The following MRPS27 variants were observed in gnomAD, a reference collection of about 807,000 sequenced individuals.
The protein encoded by MRPS27 is mitochondrial ribosomal protein S27.
In MRPS27, 43 loss-of-function variants were observed where a neutral mutation model predicts 48.9. The ratio of observed to expected loss-of-function variants is 0.88; its 90% CI spans 0.69 to 1.13. MRPS27 has a LOEUF of 1.13. Ranked by LOEUF, MRPS27 falls within the 50% of genes most tolerant of loss-of-function variation. The pLI, the probability that MRPS27 is intolerant of heterozygous loss-of-function variation, is 0.00. For missense variants in MRPS27, 467 were observed against 476.3 expected (o/e 0.98, Z 0.18); for synonymous variants, 188 against 171.9 (o/e 1.09, Z -0.73).
intron 1 of MRPS27, among the ~76,000 whole-genome samples, chr5:72,315,128 G>T (rs748722030): frequency 1.2e-4 from 19 of 152,280 alleles, no homozygotes; most frequent in Non-Finnish European, 2.4e-4. Flanking sequence ...TTTGTGCTTT[G>T]AAGTACAATC....
At position 72,271,807 on chromosome 5, in the gene MRPS27, G is replaced by C. The variant is rs142211993; in HGVS notation, c.281+23724C>G. Among the ~76,000 whole-genome samples, 566 of 152,012 alleles carry C rather than the reference G, an allele frequency of 3.7e-3. 1 individual carries two copies. Among genetic ancestry groups the C allele is most frequent in the African/African-American group, 0.013 (550 of 41,356 alleles). ...AGTTAGCTGTCTATCAGTTAATAAA[G>C]TCATCTTTCTGCTTCTGAAACTGTT... On this transcript the variant is annotated intron_variant, in intron 4 of 10. Coordinates refer to ENST00000261413, the MANE Select transcript of MRPS27 (RefSeq NM_015084.3).
At chr5:72,283,985 C>A (rs1749598882) in intron 4 of MRPS27, among the ~76,000 whole-genome samples, 1 of 152,034 alleles carries the variant, frequency 6.6e-6, no homozygotes, top group South Asian at 2.1e-4. Flanking sequence ...TCTCTATATG[C>A]ATAGACAATT....
intron 2 of MRPS27, among the ~76,000 whole-genome samples, chr5:72,301,901 T>C (rs564973952): frequency 1.1e-4 from 17 of 152,362 alleles, no homozygotes; most frequent in South Asian, 6.2e-4. Flanking sequence ...CACAGGCTTC[T>C]GGACTGTGGG....
chr5:72,255,088 T>C (rs60364111), intron 4 of MRPS27, among the ~76,000 whole-genome samples: 2 of 139,196 alleles, frequency 1.4e-5, no homozygotes, highest in Non-Finnish European at 3.1e-5. Context: ...GCCCAGGCTG[T>C]AGTGCAGTGG....
Position 72,220,194 on chromosome 5 carries a change from T to C in MRPS27, c.*715A>G, listed in dbSNP as rs778187785. 82 of 152,994 alleles carry C rather than the reference T, an allele frequency of 5.4e-4. No individual in the cohort carries two copies. The Middle Eastern group carries it at 0.01, about 19-fold the overall frequency. The allele number at this position is 152,994 out of a possible 1,614,324, so 9.5% of individuals were successfully genotyped here. Reference sequence around the variant, plus strand: ...GGATGCACAGTTCACCTTGGCCTCATGTACCTGGGCTGGGGAGAGGGAGAC... The same window carrying C: ...GGATGCACAGTTCACCTTGGCCTCACGTACCTGGGCTGGGGAGAGGGAGAC... On this transcript the variant is annotated 3_prime_UTR_variant, in exon 11 of 11. Transcript: ENST00000261413.
intron 4 of MRPS27, among the ~76,000 whole-genome samples, chr5:72,271,164 G>C (rs1476882433): frequency 2.0e-5 from 3 of 152,152 alleles, no homozygotes; most frequent in Non-Finnish European, 2.9e-5. Flanking sequence ...AAATTAAAAG[G>C]CTTGAAATTT....
Position 72,238,025 on chromosome 5 carries a change from G to A in MRPS27, c.385C>T (p.Leu129Phe). ...ACGGAACAACTCACCTTATTTACAA[G>A]GGTATATAGGGCTTTGTCTTGTGCA... The part of the protein sequence containing the change: ...YDAQDKALYT[L>F]VNKVQYGIFP... Residue 129 changes from leucine (L) to phenylalanine (F), a missense_variant, in exon 5 of 11, where the codon CTT becomes TTT. By Grantham distance (22) the Leu-to-Phe change is conservative. Coordinates refer to ENST00000261413, the MANE Select transcript of MRPS27 (RefSeq NM_015084.3). 1.2e-6 allele frequency: 2 copies of A among 1,609,876 alleles called. No homozygotes were observed. Among genetic ancestry groups the A allele is most frequent in the Admixed American group, 3.3e-5 (2 of 59,922 alleles).
chr5:72,221,249 CAA>C (rs1330317265), intron 10 of MRPS27, 101 bp from the exon 11 acceptor site: 1 of 1,422,880 alleles, frequency 7.0e-7, no homozygotes, highest in Non-Finnish European at 9.5e-7. Context: ...TAGATTTGAA[CAA>C]AAGTTTGCTG....
chr5:72,262,768 T>C (rs1443911433), intron 4 of MRPS27, among the ~76,000 whole-genome samples: 1 of 151,804 alleles, frequency 6.6e-6, no homozygotes, highest in Non-Finnish European at 1.5e-5. Context: ...ATTAAATATA[T>C]TTTTAATTTA....
intron 10 of MRPS27, chr5:72,222,546 G>C (rs1271909548): frequency 2.0e-5 from 3 of 152,190 alleles, no homozygotes; most frequent in Non-Finnish European, 4.4e-5. Flanking sequence ...AAGTATATAA[G>C]AAACAAGAGA....
chr5:72,264,925 C>T (rs75992234), intron 4 of MRPS27, among the ~76,000 whole-genome samples: 1 of 152,090 alleles, frequency 6.6e-6, no homozygotes, highest in South Asian at 2.1e-4. Flanking sequence ...GGAGGAAGTA[C>T]GCTTAGAGAA....
chr5:72,318,506 C>G (rs2112097959), intron 1 of MRPS27, among the ~76,000 whole-genome samples: 1 of 152,290 alleles, frequency 6.6e-6, no homozygotes, highest in South Asian at 2.1e-4. Context: ...GATTAAAAAG[C>G]TGGGCCAGCT....
chr5:72,281,383 C>T (rs191637803), intron 4 of MRPS27, among the ~76,000 whole-genome samples: 19 of 152,262 alleles, frequency 1.2e-4, no homozygotes, highest in Admixed American at 1.0e-3. Context: ...GGCACTCTGG[C>T]TCAAGTCCAT....
intron 4 of MRPS27, among the ~76,000 whole-genome samples, chr5:72,285,804 C>T (rs1256375109): frequency 1.3e-5 from 2 of 152,198 alleles, no homozygotes; most frequent in African/African-American, 4.8e-5. Context: ...AGATTACAGG[C>T]ATGAGCCACT....
intron 4 of MRPS27, among the ~76,000 whole-genome samples, chr5:72,285,350 C>T (rs1311561511): frequency 6.6e-6 from 1 of 152,204 alleles, no homozygotes; most frequent in African/African-American, 2.4e-5. Context: ...TTGCTGATAA[C>T]AACATCAATC....
chr5:72,247,525 T>C (rs1273098294), intron 4 of MRPS27, among the ~76,000 whole-genome samples: 2 of 152,168 alleles, frequency 1.3e-5, no homozygotes, highest in Non-Finnish European at 2.9e-5. Context: ...AGATTATTAT[T>C]ATGGGAATGG....
chr5:72,220,983 G>A lies in MRPS27; in HGVS notation c.1171C>T (p.Gln391Ter). 1 of 1,614,142 alleles carries A rather than the reference G, an allele frequency of 6.2e-7. No homozygotes were observed. The highest frequency in any genetic ancestry group is 8.5e-7 in the Non-Finnish European group (1 of 1,180,012). Residue 391 changes from glutamine (Q) to a stop codon, truncating the protein, a stop_gained, in exon 11 of 11, where the codon CAG (glutamine) becomes TAG (stop). Transcript: ENST00000261413. LOFTEE classifies it high-confidence loss of function. ...QWHLDLVQLI[Q>*]REQQQREQAK... ...TGCTCCCTCTGTTGCTGTTCTCTCT[G>A]GATCAACTGTACAAGGTCTAGATGC...
At position 72,234,825 on chromosome 5, in the gene MRPS27, T is replaced by C. The variant is rs1343620836; in HGVS notation, c.397-628A>G. Among the ~76,000 whole-genome samples the C allele has an allele frequency of 5.9e-5, 9 of 152,142 alleles. No homozygotes were observed. In the South Asian group the frequency reaches 1.5e-3, roughly 25 times the overall value. On this transcript the variant is annotated intron_variant, in intron 5 of 10. Transcript: ENST00000261413. ...CCTATAGAACCAGAATCTGTGGGAA[T>C]TGGGCACAAAACCCTGAATTTTTAG...
In MRPS27 at chr5:72,295,349, A is replaced by T. The variant is rs1049877754; in HGVS notation, c.281+182T>A. 1.7e-5 allele frequency: 9 copies of T among 524,694 alleles called. No homozygotes were observed. The Admixed American group carries it at 3.3e-4, about 20-fold the overall frequency. The allele number at this position is 524,694 out of a possible 1,614,324, so 32.5% of individuals were successfully genotyped here. On this transcript the variant is annotated intron_variant, in intron 4 of 10. Coordinates refer to ENST00000261413, the MANE Select transcript of MRPS27 (RefSeq NM_015084.3). ...AAAAGGGAACTGGTTTAAATAATAA[A>T]CTCACAGTATGGAATAAAATGCAGT...
Sources: gnomAD v4.1 joint callset for allele counts (sites outside exome capture counted in the v4.1 genomes callset) on GRCh38, gnomAD v4.1.1 for gene constraint, MANE v1.5 for transcripts, NCBI Gene and HGNC (gene_info 2026-07-23, HGNC 2026-07-21) for gene names.